FAT3: variants seen among roughly 807,000 people sequenced by gnomAD.
FAT3 encodes FAT atypical cadherin 3.
A neutral mutation model predicts 310.2 loss-of-function variants in FAT3; 95 were observed. The observed-to-expected ratio is 0.31, with a 90% CI of 0.26 to 0.36. The LOEUF is 0.36. Among genes scored for constraint, FAT3 ranks in the 10% least tolerant of loss-of-function variants. The probability of loss-of-function intolerance (pLI) is 1.00; values close to 1 mark genes in which losing one functional copy is unlikely to be tolerated. For missense variants in FAT3, 5,408 were observed against 5,715.6 expected (o/e 0.95, Z 1.74); for synonymous variants, 2,314 against 2,192.9 (o/e 1.06, Z -1.54).
rs1565685214 is a variant in FAT3 at position 92,891,165 on chromosome 11, A to T, written c.*52A>T. On this transcript the variant is annotated 3_prime_UTR_variant, in exon 28 of 28. Transcript: ENST00000525166. The stretch of plus-strand genomic sequence containing the variant: ...GTTTGTTACAGAAAAGTGGAAGCAG[A>T]TTGGCTGGGCTTCTGTCCCAGTGGA... 13 of 1,586,640 alleles carry T rather than the reference A, an allele frequency of 8.2e-6. No homozygotes were observed. Among genetic ancestry groups the T allele is most frequent in the Non-Finnish European group, 1.1e-5 (13 of 1,166,894 alleles).
intron 2 of FAT3, among the ~76,000 whole-genome samples, chr11:92,469,069 TTGTC>T (rs1951843655): frequency 6.6e-6 from 1 of 152,172 alleles, no homozygotes; most frequent in Non-Finnish European, 1.5e-5. Flanking sequence ...CATGGGTTCA[TTGTC>T]TGTGAGGGTC....
chr11:92,384,047 G>T (rs1391945566), intron 2 of FAT3, among the ~76,000 whole-genome samples: 1 of 152,060 alleles, frequency 6.6e-6, no homozygotes, highest in African/African-American at 2.4e-5. Context: ...AATCCATGTG[G>T]ATTTTCCAGG....
chr11:92,635,468 A>T (rs1242871904), intron 3 of FAT3, among the ~76,000 whole-genome samples: 1 of 152,220 alleles, frequency 6.6e-6, no homozygotes, highest in African/African-American at 2.4e-5. Flanking sequence ...CTACTTTGTT[A>T]TTAAAATATC....
At chr11:92,422,200 A>G (rs1049844863) in intron 2 of FAT3, among the ~76,000 whole-genome samples, 3 of 152,128 alleles carry the variant, frequency 2.0e-5, no homozygotes, top group Admixed American at 2.0e-4. Flanking sequence ...AGTGAGAAAG[A>G]CAAGTTTGCT....
intron 1 of FAT3, among the ~76,000 whole-genome samples, chr11:92,321,436 C>CAAA (rs61666151): frequency 8.2e-6 from 1 of 122,412 alleles, no homozygotes; most frequent in South Asian, 2.6e-4. Flanking sequence ...GACTCCGTCT[C>CAAA]AAAAAAAAAA....
At chr11:92,644,126 G>A (rs1249788070) in intron 3 of FAT3, among the ~76,000 whole-genome samples, 2 of 152,200 alleles carry the variant, frequency 1.3e-5, no homozygotes, top group African/African-American at 4.8e-5. Context: ...CAAGGTGGCA[G>A]CCCCAGAGCC....
intron 2 of FAT3, chr11:92,499,047 GT>G (rs1263665327): frequency 6.6e-6 from 1 of 151,856 alleles, no homozygotes; most frequent in African/African-American, 2.4e-5. Context: ...TTTATATTTT[GT>G]TATGTGTTAT....
At position 92,866,869 on chromosome 11, in the gene FAT3, G is replaced by A. The variant is rs1949260350; in HGVS notation, c.11787G>A (p.Thr3929=). 2 of 1,613,962 alleles carry A rather than the reference G, an allele frequency of 1.2e-6. No individual in the cohort carries two copies. The highest frequency in any genetic ancestry group is 1.1e-5 in the South Asian group (1 of 91,072). The change falls in exon 22 of 28, where the codon ACG becomes ACA. Residue 3929 remains threonine, a synonymous_variant. Transcript: ENST00000525166. ...SVFLELNRNF[T]SLSLDDSYVE... ...TCCTGGAGCTCAACCGCAATTTCACGAGCCTGTCCCTGGATGACAGCTACG... is the reference window on the plus strand; with the variant it reads ...TCCTGGAGCTCAACCGCAATTTCACAAGCCTGTCCCTGGATGACAGCTACG...
intron 2 of FAT3, among the ~76,000 whole-genome samples, chr11:92,370,638 A>C (rs1949160367): frequency 6.6e-6 from 1 of 152,208 alleles, no homozygotes; most frequent in African/African-American, 2.4e-5. Flanking sequence ...TTAGATGCTA[A>C]AATATCACAT....
intron 3 of FAT3, among the ~76,000 whole-genome samples, chr11:92,536,133 C>T (rs1301118177): frequency 6.6e-6 from 1 of 152,010 alleles, no homozygotes. Flanking sequence ...TCTTGACGTT[C>T]TTATAAAAGT....
At chr11:92,396,906 C>T (rs527836478) in intron 2 of FAT3, among the ~76,000 whole-genome samples, 14 of 152,050 alleles carry the variant, frequency 9.2e-5, no homozygotes, top group Non-Finnish European at 1.8e-4. Flanking sequence ...AGGGTTTCAC[C>T]ATGTTGCCCA....
At chr11:92,440,904 C>T (rs1348714638) in intron 2 of FAT3, among the ~76,000 whole-genome samples, 1 of 152,166 alleles carries the variant, frequency 6.6e-6, no homozygotes, top group East Asian at 1.9e-4. Flanking sequence ...CCCTCAGGTA[C>T]ATTCCTTAAC....
chr11:92,758,213 G>A (rs1197467756), intron 4 of FAT3, among the ~76,000 whole-genome samples: 2 of 152,174 alleles, frequency 1.3e-5, no homozygotes, highest in African/African-American at 2.4e-5. Flanking sequence ...CAGTTCTCTT[G>A]ACCTCAAATT....
At chr11:92,887,153 G>T (rs188680459) in intron 25 of FAT3, 40 bp downstream of exon 25, 40 of 1,537,874 alleles carry the variant, frequency 2.6e-5, no homozygotes, top group Non-Finnish European at 3.5e-5. Flanking sequence ...GGTGGGTTCT[G>T]CTTCCTGTTC....
rs1949264520 is a variant in FAT3, at chr11:92,866,985, G to A, written c.11903G>A (p.Arg3968His). Residue 3968 changes from arginine to histidine, a missense_variant, in exon 22 of 28, where the codon CGC becomes CAC. By Grantham distance (29) the Arg-to-His change is conservative (BLOSUM62 0). Around this residue, in one of 5 missense-constraint regions of FAT3, gnomAD observed 4,588 missense variants for 4,809.8 expected, o/e 0.95. Coordinates refer to ENST00000525166, the MANE Select transcript of FAT3 (RefSeq NM_001367949.2). Reference protein sequence around the residue: ...FGALVQADNIRSLTDTRVTQV... With the variant: ...FGALVQADNIHSLTDTRVTQV... Reference sequence around the variant, plus strand: ...GCCCTGGTGCAAGCGGATAACATCCGCAGCCTGACTGACACGCGGGTCACG... The same window carrying A: ...GCCCTGGTGCAAGCGGATAACATCCACAGCCTGACTGACACGCGGGTCACG... The A allele has an allele frequency of 3.7e-6, 6 of 1,611,030 alleles. No individual in the cohort carries two copies. The highest frequency in any genetic ancestry group is 4.2e-6 in the Non-Finnish European group (5 of 1,178,852).
At chr11:92,703,031 C>G (rs1321860202) in intron 4 of FAT3, among the ~76,000 whole-genome samples, 1 of 152,184 alleles carries the variant, frequency 6.6e-6, no homozygotes, top group Non-Finnish European at 1.5e-5. Flanking sequence ...AGACTAGATC[C>G]ATAGGAATGT....
At position 92,856,742 on chromosome 11, in the gene FAT3, CT is replaced by C. The variant is rs886999993; in HGVS notation, c.11366-462del. Among the ~76,000 whole-genome samples, 111 of 149,658 alleles carry C rather than the reference CT, an allele frequency of 7.4e-4. 1 individual carries two copies. Among genetic ancestry groups the C allele is most frequent in the South Asian group, 4.5e-3 (21 of 4,678 alleles). ...TAGTCATACTTTTCTTTAGAAATGT[CT>C]TTTTTTTTTCCCCTCTGAAATCAAC... On this transcript the variant is annotated intron_variant, in intron 19 of 27. Transcript: ENST00000525166.
At chr11:92,465,234 T>A (rs1565337620) in intron 2 of FAT3, among the ~76,000 whole-genome samples, 1 of 152,208 alleles carries the variant, frequency 6.6e-6, no homozygotes, top group Non-Finnish European at 1.5e-5. Flanking sequence ...GCTAATGGAA[T>A]TGCATTTTAA....
chr11:92,676,446 A>T (rs1289995869), intron 3 of FAT3, among the ~76,000 whole-genome samples: 1 of 152,222 alleles, frequency 6.6e-6, no homozygotes, highest in Non-Finnish European at 1.5e-5. Flanking sequence ...GGTTCTGGTT[A>T]TCTTAAAATA....
Sources: gnomAD v4.1 joint callset for allele counts (sites outside exome capture counted in the v4.1 genomes callset) on GRCh38, gnomAD v4.1.1 for gene constraint, gnomAD v4.1.1 regional missense constraint, MANE v1.5 for transcripts, NCBI Gene and HGNC (gene_info 2026-07-23, HGNC 2026-07-21) for gene names.